TNFRSF9: variants seen among roughly 807,000 people sequenced by gnomAD.
The protein encoded by TNFRSF9 is tumor necrosis factor receptor superfamily member 9.
In TNFRSF9, 16 loss-of-function variants were observed where a neutral mutation model predicts 28.8. That is an observed-to-expected ratio of 0.55 (90% CI 0.38 to 0.84). The LOEUF is 0.84. Among genes scored for constraint, TNFRSF9 ranks in the 40% least tolerant of loss-of-function variants. The probability of loss-of-function intolerance (pLI) is 0.00; values close to 1 mark genes in which losing one functional copy is unlikely to be tolerated. For synonymous variants in TNFRSF9, 131 were observed against 117.0 expected (o/e 1.12, Z -0.77); for missense variants, 303 against 315.0 (o/e 0.96, Z 0.29).
chr1:7,927,046 A>G (rs1478550696), intron 7 of TNFRSF9, among the ~76,000 whole-genome samples: 1 of 147,990 alleles, frequency 6.8e-6, no homozygotes, highest in Non-Finnish European at 1.5e-5. Flanking sequence ...CAACATGGTG[A>G]GACTCTGTCT....
chr1:7,924,369 G>A (rs765635851), intron 7 of TNFRSF9, among the ~76,000 whole-genome samples: 76 of 147,362 alleles, frequency 5.2e-4, no homozygotes, highest in South Asian at 8.5e-4. Context: ...GCTCACACCT[G>A]TAATCCCAGC....
At chr1:7,927,258 A>G (rs1557426959) in intron 7 of TNFRSF9, among the ~76,000 whole-genome samples, 7 of 152,168 alleles carry the variant, frequency 4.6e-5, no homozygotes, top group Admixed American at 2.0e-4. Context: ...TTATCTATTG[A>G]GAAATCTAGC....
At chr1:7,935,739 G>T (rs1387088645) in intron 5 of TNFRSF9, among the ~76,000 whole-genome samples, 1 of 152,148 alleles carries the variant, frequency 6.6e-6, no homozygotes. Context: ...TGAGGTGGGA[G>T]GATCACTTGA....
chr1:7,926,921 G>A (rs1427643858), intron 7 of TNFRSF9, among the ~76,000 whole-genome samples: 2 of 152,070 alleles, frequency 1.3e-5, no homozygotes, highest in East Asian at 1.9e-4. Flanking sequence ...CACCTTATAC[G>A]AAAAATTTAA....
Position 7,935,076 on chromosome 1 carries a change from A to G in TNFRSF9, c.481T>C (p.Ser161Pro), listed in dbSNP as rs1307354192. ...TKERDVVCGP[S>P]PADLSPGASS... is the part of the protein sequence containing the mutation. ...GCTCCCGGAGAGAGGTCGGCTGGAG[A>G]TGGTCCACAGACCACGTCCCTCTCC... Residue 161 changes from serine to proline, a missense_variant, in exon 6 of 8, where the codon TCT becomes CCT. Transcript: ENST00000377507. 29 of 1,614,102 alleles carry G rather than the reference A, an allele frequency of 1.8e-5. No homozygotes were observed. Among genetic ancestry groups the G allele is most frequent in the Non-Finnish European group, 2.4e-5 (28 of 1,180,046 alleles).
At chr1:7,936,278 C>T (rs9657975) in intron 5 of TNFRSF9, among the ~76,000 whole-genome samples, 8,392 of 152,114 alleles carry the variant, frequency 0.055, 1,196 homozygotes, top group East Asian at 0.51. Flanking sequence ...ACTAGCCAGG[C>T]GTGGTTGTGT....
rs1639521262 is a variant in TNFRSF9 at position 7,919,091 on chromosome 1, C to T, written c.*1744G>A. 1 of 152,182 alleles carries T rather than the reference C, an allele frequency of 6.6e-6. No homozygotes were observed. Among genetic ancestry groups the T allele is most frequent in the South Asian group, 2.1e-4 (1 of 4,834 alleles). 9.4% of individuals were successfully genotyped at this position (152,182 alleles called of 1,614,324 possible). ...ACCAACTAAATAGGAGCAGAAGTGA[C>T]AGATACCCATTTGCCATGCGATGGC... On this transcript the variant is annotated 3_prime_UTR_variant, in exon 8 of 8. Coordinates refer to ENST00000377507, the MANE Select transcript of TNFRSF9 (RefSeq NM_001561.6).
chr1:7,938,194 T>C lies in TNFRSF9; in HGVS notation c.345A>G (p.Lys115=), dbSNP rs9657965. The C allele has an allele frequency of 1.9e-6, 3 of 1,573,632 alleles. No individual in the cohort carries two copies. Among genetic ancestry groups the C allele is most frequent in the Admixed American group, 3.8e-5 (2 of 53,252 alleles). The change falls in exon 4 of 8, where the codon AAA becomes AAG. Residue 115 remains lysine, a splice_region_variant and synonymous_variant. Transcript: ENST00000377507. The stretch of plus-strand genomic sequence containing the variant: ...TAGATCAAAGAAACGCAAACGTACC[T>C]TTTTTTGTCAGTTCTTGACCTTGTT... The part of the protein sequence containing the change: ...DCKQGQELTK[K]GCKDCCFGTF...
At chr1:7,931,556 A>G (rs1285720687) in intron 7 of TNFRSF9, among the ~76,000 whole-genome samples, 1 of 152,220 alleles carries the variant, frequency 6.6e-6, no homozygotes, top group Non-Finnish European at 1.5e-5. Context: ...CAAGCAGCCC[A>G]ATAAAACTGT....
intron 6 of TNFRSF9, among the ~76,000 whole-genome samples, chr1:7,933,510 G>A (rs181476966): frequency 1.1e-3 from 166 of 152,254 alleles, no homozygotes; most frequent in African/African-American, 3.7e-3. Flanking sequence ...GCCGAGGCAG[G>A]AGGATCACTT....
chr1:7,939,826 G>T (rs1639875079), intron 2 of TNFRSF9, 69 bp downstream of exon 2: 9 of 1,224,404 alleles, frequency 7.4e-6, no homozygotes, highest in Non-Finnish European at 9.3e-6. Context: ...CGTTAGCCCT[G>T]ACTACTAGAC....
intron 7 of TNFRSF9, among the ~76,000 whole-genome samples, chr1:7,926,432 A>C (rs1395773532): frequency 1.3e-5 from 2 of 152,210 alleles, no homozygotes; most frequent in East Asian, 3.8e-4. Flanking sequence ...ACTTAACAAC[A>C]CATTTCTCAG....
chr1:7,934,102 G>A (rs1252867330), intron 6 of TNFRSF9, among the ~76,000 whole-genome samples: 9 of 152,254 alleles, frequency 5.9e-5, no homozygotes, highest in South Asian at 2.1e-4. Flanking sequence ...GGGACCAGGC[G>A]TGGCGGCTTA....
rs896860577 is a variant in TNFRSF9, at chr1:7,919,510, AAATG to A, written c.*1321_*1324del. 36 of 152,200 alleles carry A rather than the reference AAATG, an allele frequency of 2.4e-4. 1 individual carries two copies. The highest frequency in any genetic ancestry group is 2.3e-3 in the Admixed American group (35 of 15,260). The allele number at this position is 152,200 out of a possible 1,614,324, so 9.4% of individuals were successfully genotyped here. A position where few individuals can be genotyped will look rare whatever the true frequency, so the allele number is the denominator to read the frequency against. On this transcript the variant is annotated 3_prime_UTR_variant, in exon 8 of 8. Coordinates refer to ENST00000377507, the MANE Select transcript of TNFRSF9 (RefSeq NM_001561.6). ...TGAGACACTGTCTCAAAAAAAAATA[AAATG>A]AATAAAATTTAAAAAGCTATCCTTA...
chr1:7,932,905 C>T (rs975274363), intron 7 of TNFRSF9, among the ~76,000 whole-genome samples: 5 of 152,128 alleles, frequency 3.3e-5, no homozygotes, highest in Admixed American at 1.3e-4. Context: ...GTCCCGTGCA[C>T]GGTAGGAGTT....
At chr1:7,931,811 TA>T (rs1482407770) in intron 7 of TNFRSF9, among the ~76,000 whole-genome samples, 1 of 152,230 alleles carries the variant, frequency 6.6e-6, no homozygotes, top group Non-Finnish European at 1.5e-5. Flanking sequence ...TATATTGCTT[TA>T]AAAAGAGCCT....
intron 7 of TNFRSF9, among the ~76,000 whole-genome samples, chr1:7,931,034 C>T (rs1639725096): frequency 6.6e-6 from 1 of 152,174 alleles, no homozygotes; most frequent in South Asian, 2.1e-4. Context: ...AGGCGTCTAA[C>T]CTCACTAGCA....
intron 7 of TNFRSF9, among the ~76,000 whole-genome samples, chr1:7,930,412 T>C (rs1451003559): frequency 6.6e-6 from 1 of 152,172 alleles, no homozygotes; most frequent in Non-Finnish European, 1.5e-5. Context: ...TACTCATAAA[T>C]ACTTTTGAAA....
At chr1:7,923,779 A>G (rs1057463978) in intron 7 of TNFRSF9, among the ~76,000 whole-genome samples, 1 of 152,172 alleles carries the variant, frequency 6.6e-6, no homozygotes, top group Non-Finnish European at 1.5e-5. Context: ...TTGAGGCTGC[A>G]TTGAGGCGTG....
Sources: allele counts gnomAD v4.1 joint callset (sites outside exome capture counted in the v4.1 genomes callset), GRCh38; gene constraint gnomAD v4.1.1; transcripts MANE v1.5; gene names NCBI Gene and HGNC (gene_info 2026-07-23, HGNC 2026-07-21).